HERC3: variants seen among roughly 807,000 people sequenced by gnomAD.
The protein encoded by HERC3 is probable E3 ubiquitin-protein ligase HERC3.
HERC3 carries 58 observed loss-of-function variants against 129.9 expected under a neutral mutation model. That is an observed-to-expected ratio of 0.45 (90% CI 0.36 to 0.56). The LOEUF is 0.56. Ranked by LOEUF, HERC3 falls within the 20% of genes least tolerant of loss-of-function variation. HERC3 has a pLI of 0.00. For synonymous variants in HERC3, 430 were observed against 451.0 expected (o/e 0.95, Z 0.59); for missense variants, 835 against 1,244.2 (o/e 0.67, Z 4.95).
intron 23 of HERC3, among the ~76,000 whole-genome samples, chr4:88,698,021 C>T (rs1350898494): frequency 6.6e-6 from 1 of 152,118 alleles, no homozygotes; most frequent in African/African-American, 2.4e-5. Flanking sequence ...GGACAGACAC[C>T]CTGTTCCCAG....
In HERC3 at chr4:88,645,097, T is replaced by C. The variant is rs528806371; in HGVS notation, c.227-4743T>C. On this transcript the variant is annotated intron_variant, in intron 3 of 25. Transcript: ENST00000402738. ...TTTGCCGAGATACAGTGTATCTCCA[T>C]CACCCAGACTTTCAATAAAAGTCTG... is the stretch of plus-strand genomic sequence containing the variant. Among the ~76,000 whole-genome samples the C allele has an allele frequency of 2.0e-5, 3 of 152,268 alleles. No individual in the cohort carries two copies. The East Asian group carries it at 5.8e-4, about 29-fold the overall frequency.
chr4:88,583,465 T>G, the HERC3 span, among the ~76,000 whole-genome samples: 1 of 151,926 alleles, frequency 6.6e-6, no homozygotes, highest in African/African-American at 2.4e-5. Flanking sequence ...AAAAAAAATG[T>G]AATTATATGT....
chr4:88,607,449 T>G (rs1014408187), intron 3 of HERC3, among the ~76,000 whole-genome samples: 2 of 152,138 alleles, frequency 1.3e-5, no homozygotes, highest in African/African-American at 4.8e-5. Flanking sequence ...TTGTTGATTT[T>G]ATTTTTTTCC....
At chr4:88,636,432 A>G (rs988475133) in intron 3 of HERC3, among the ~76,000 whole-genome samples, 4 of 152,240 alleles carry the variant, frequency 2.6e-5, no homozygotes, top group African/African-American at 4.8e-5. Context: ...GATCAATTCA[A>G]CAAGAAGAGC....
chr4:88,526,698 G>A, the HERC3 span, among the ~76,000 whole-genome samples: 1 of 151,948 alleles, frequency 6.6e-6, no homozygotes, highest in Non-Finnish European at 1.5e-5. Flanking sequence ...ACCACACCCA[G>A]CTAATTTTTG....
intron 1 of HERC3, among the ~76,000 whole-genome samples, chr4:88,593,068 C>T (rs1424612139): frequency 6.8e-6 from 1 of 146,362 alleles, no homozygotes; most frequent in Non-Finnish European, 1.5e-5. Context: ...GAGGCCCTGG[C>T]ATTTTGGGGA....
chr4:88,674,222 A>G (rs564014745), intron 16 of HERC3, among the ~76,000 whole-genome samples: 2 of 152,144 alleles, frequency 1.3e-5, no homozygotes, highest in Admixed American at 1.3e-4. Flanking sequence ...AGGGAGGCTC[A>G]AGGTGGGGGT....
intron 5 of HERC3, 38 bp from the exon 6 acceptor site, chr4:88,652,831 A>G: frequency 6.4e-7 from 1 of 1,570,054 alleles, no homozygotes; most frequent in Non-Finnish European, 8.7e-7. Context: ...TGGAGCTTGT[A>G]TCATTTTATG....
chr4:88,670,070 G>A (rs1578281456), intron 15 of HERC3, 47 bp downstream of exon 15: 1 of 1,604,476 alleles, frequency 6.2e-7, no homozygotes, highest in Non-Finnish European at 8.5e-7. Context: ...AGATGGTAGG[G>A]TAAAATGTCC....
At chr4:88,622,622 A>G (rs1278398480) in intron 3 of HERC3, among the ~76,000 whole-genome samples, 1 of 152,152 alleles carries the variant, frequency 6.6e-6, no homozygotes, top group Non-Finnish European at 1.5e-5. Flanking sequence ...AGGGCCCGAG[A>G]GATCTTTTTA....
intron 3 of HERC3, among the ~76,000 whole-genome samples, chr4:88,628,940 G>A (rs1726441075): frequency 6.6e-6 from 1 of 152,136 alleles, no homozygotes; most frequent in Non-Finnish European, 1.5e-5. Context: ...TTGGGAGGCC[G>A]AGGCGGTTGC....
In HERC3 at chr4:88,697,555, T is replaced by C. The variant is rs965283825; in HGVS notation, c.2658-6543T>C. Reference sequence around the variant, plus strand: ...ATTAGGCAGGCTCTCGATAAAGTCATTTTTCGGCTTTGGGGCATTCTCTGC... The same window carrying C: ...ATTAGGCAGGCTCTCGATAAAGTCACTTTTCGGCTTTGGGGCATTCTCTGC... On this transcript the variant is annotated intron_variant, in intron 23 of 25. Transcript: ENST00000402738. 2 of 1,614,032 alleles carry C rather than the reference T, an allele frequency of 1.2e-6. No homozygotes were observed. The highest frequency in any genetic ancestry group is 2.7e-5 in the African/African-American group (2 of 74,916).
intron 23 of HERC3, among the ~76,000 whole-genome samples, chr4:88,691,095 G>C (rs1336856245): frequency 6.6e-6 from 1 of 152,164 alleles, no homozygotes; most frequent in African/African-American, 2.4e-5. Context: ...TAGAGAAGAG[G>C]ATATAAACAT....
chr4:88,578,848 G>A, the HERC3 span, among the ~76,000 whole-genome samples: 2 of 152,030 alleles, frequency 1.3e-5, no homozygotes, highest in African/African-American at 4.8e-5. Context: ...GGAAAGAGGT[G>A]GAGACAGGAT....
intron 21 of HERC3, among the ~76,000 whole-genome samples, chr4:88,682,092 C>A (rs1732842400): frequency 6.6e-6 from 1 of 152,130 alleles, no homozygotes; most frequent in Admixed American, 6.5e-5. Flanking sequence ...TTTATTTATC[C>A]ATTCATCAGT....
At chr4:88,702,952 A>G (rs1051261610) in intron 23 of HERC3, among the ~76,000 whole-genome samples, 10 of 152,222 alleles carry the variant, frequency 6.6e-5, no homozygotes, top group African/African-American at 2.4e-4. Context: ...CCTGCCCGGG[A>G]AACCAACCTC....
chr4:88,558,432 T>A, the HERC3 span, among the ~76,000 whole-genome samples: 1 of 152,128 alleles, frequency 6.6e-6, no homozygotes, highest in South Asian at 2.1e-4. Flanking sequence ...TTCTCACTTA[T>A]AAGTGGGAGC....
At chr4:88,644,543 A>G (rs1420389428) in intron 3 of HERC3, among the ~76,000 whole-genome samples, 1 of 152,226 alleles carries the variant, frequency 6.6e-6, no homozygotes. Flanking sequence ...ACATGACAGC[A>G]TAAAAAACTC....
intron 3 of HERC3, among the ~76,000 whole-genome samples, chr4:88,637,856 TAAAG>T (rs1285679650): frequency 3.3e-5 from 5 of 151,832 alleles, no homozygotes; most frequent in African/African-American, 1.2e-4. Flanking sequence ...GCTAGACTAA[TAAAG>T]AAGAAAAGAA....
Sources: allele counts gnomAD v4.1 joint callset (sites outside exome capture counted in the v4.1 genomes callset), GRCh38; gene constraint gnomAD v4.1.1; transcripts MANE v1.5; gene names NCBI Gene and HGNC (gene_info 2026-07-23, HGNC 2026-07-21).